Variants in RASGRP3 observed in about 807,000 individuals in gnomAD.
RASGRP3 encodes the protein ras guanyl-releasing protein 3.
In RASGRP3, 54 loss-of-function variants were observed where a neutral mutation model predicts 82.7. That is an observed-to-expected ratio of 0.65 (90% CI 0.52 to 0.82). The LOEUF is 0.82. Ranked by LOEUF, RASGRP3 falls within the 40% of genes least tolerant of loss-of-function variation. The probability of loss-of-function intolerance (pLI) is 0.00; values close to 1 mark genes in which losing one functional copy is unlikely to be tolerated. For missense variants in RASGRP3, 861 were observed against 828.9 expected (o/e 1.04, Z -0.48); for synonymous variants, 309 against 300.5 (o/e 1.03, Z -0.29).
At chr2:33,444,900 A>G (rs1344371471) in intron 1 of RASGRP3, among the ~76,000 whole-genome samples, 1 of 152,226 alleles carries the variant, frequency 6.6e-6, no homozygotes, top group African/African-American at 2.4e-5. Context: ...AATAGATTCA[A>G]TTACACAGCC....
chr2:33,549,949 A>G (rs965910138), intron 14 of RASGRP3, among the ~76,000 whole-genome samples, 198 bp downstream of exon 14: 3 of 152,230 alleles, frequency 2.0e-5, no homozygotes, highest in East Asian at 3.8e-4. Context: ...TAGCAAAAAC[A>G]GGGAAGGCTG....
At position 33,520,608 on chromosome 2, in the gene RASGRP3, A is replaced by G. The variant is rs1285164743; in HGVS notation, c.292A>G (p.Met98Val). The G allele has an allele frequency of 6.8e-6, 11 of 1,613,884 alleles. No individual in the cohort carries two copies. Among genetic ancestry groups the G allele is most frequent in the Admixed American group, 3.3e-5 (2 of 60,004 alleles). ...TAATTTGGATCTTGGTTTGATTCGT[A>G]TGACTGAGGAATTTCGGGAAGTAGC... ...EFNLDLGLIRMTEEFREVASQ... is the reference protein window; with the variant it reads ...EFNLDLGLIRVTEEFREVASQ... Residue 98 changes from methionine (M) to valine (V), a missense_variant, in exon 6 of 18, where the codon ATG becomes GTG. Physicochemically the swap from Met to Val is conservative, Grantham distance 21. Coordinates refer to ENST00000403687, the MANE Select transcript of RASGRP3 (RefSeq NM_001139488.2).
chr2:33,538,941 A>T (rs969189209), intron 11 of RASGRP3, among the ~76,000 whole-genome samples, 153 bp from the exon 12 acceptor site: 5 of 152,170 alleles, frequency 3.3e-5, no homozygotes, highest in African/African-American at 4.8e-5. Flanking sequence ...TGGGAGGCTG[A>T]GGTGGAAGGA....
intron 1 of RASGRP3, among the ~76,000 whole-genome samples, chr2:33,505,299 AT>A (rs747642159): frequency 0.047 from 6,763 of 142,406 alleles, 409 homozygotes; most frequent in African/African-American, 0.15. Context: ...CGCAGACAGG[AT>A]TTTTTTTTTT....
At position 33,564,197 on chromosome 2, in the gene RASGRP3, C is replaced by CTT. The variant is rs1205674280; in HGVS notation, c.*1461_*1462dup. 2 of 152,204 alleles carry CTT rather than the reference C, an allele frequency of 1.3e-5. No homozygotes were observed. The highest frequency in any genetic ancestry group is 2.9e-5 in the Non-Finnish European group (2 of 68,040). 9.4% of individuals were successfully genotyped at this position (152,204 alleles called of 1,614,324 possible). On this transcript the variant is annotated 3_prime_UTR_variant, in exon 18 of 18. Transcript: ENST00000403687. ...TGCACAAAGTTAAGAAAAACTTGGT[C>CTT]TTAGCCCTTGGGAGCTGACAGCCCA...
At chr2:33,514,624 G>A (rs975902433) in intron 2 of RASGRP3, among the ~76,000 whole-genome samples, 3 of 151,822 alleles carry the variant, frequency 2.0e-5, no homozygotes, top group Admixed American at 1.3e-4. Flanking sequence ...GGTCGAGGCT[G>A]CTGTGAGCCG....
At chr2:33,470,471 A>C (rs751284584) in intron 2 of RASGRP3, among the ~76,000 whole-genome samples, 4 of 151,048 alleles carry the variant, frequency 2.6e-5, no homozygotes, top group Non-Finnish European at 5.9e-5. Context: ...GCTCCGCCTG[A>C]CGGGTTCACG....
At chr2:33,505,299 ATT>A (rs747642159) in intron 1 of RASGRP3, among the ~76,000 whole-genome samples, 5,289 of 142,716 alleles carry the variant, frequency 0.037, 315 homozygotes, top group African/African-American at 0.13. Flanking sequence ...CGCAGACAGG[ATT>A]TTTTTTTTTT....
chr2:33,509,803 A>G (rs953213522), intron 1 of RASGRP3, among the ~76,000 whole-genome samples: 2 of 152,192 alleles, frequency 1.3e-5, no homozygotes, highest in South Asian at 4.1e-4. Context: ...CAGCCACTCT[A>G]GTATTCTGTT....
At chr2:33,472,562 A>C (rs1031939931), upstream of RASGRP3, among the ~76,000 whole-genome samples, 9 of 152,210 alleles carry the variant, frequency 5.9e-5, no homozygotes, top group African/African-American at 1.9e-4. Flanking sequence ...AGGGGCAGAT[A>C]GCGGAAGAGA....
rs1574525601 is a variant in RASGRP3, at chr2:33,564,088, C to CCTTT, written c.*1354_*1357dup. On this transcript the variant is annotated 3_prime_UTR_variant, in exon 18 of 18. Coordinates refer to ENST00000403687, the MANE Select transcript of RASGRP3 (RefSeq NM_001139488.2). ...GTATTTGGGGCAGTCTTCAGTAAAG[C>CCTTT]CTTTCTCCTTTCTTTTCTCCATTGA... 1 of 152,198 alleles carries CCTTT rather than the reference C, an allele frequency of 6.6e-6. No individual in the cohort carries two copies. The highest frequency in any genetic ancestry group is 1.9e-4 in the East Asian group (1 of 5,206). The allele number at this position is 152,198 out of a possible 1,614,324, so 9.4% of individuals were successfully genotyped here. A position where few individuals can be genotyped will look rare whatever the true frequency, so the allele number is the denominator to read the frequency against.
intron 1 of RASGRP3, among the ~76,000 whole-genome samples, chr2:33,494,699 T>A (rs1376391155): frequency 6.6e-6 from 1 of 152,234 alleles, no homozygotes; most frequent in Non-Finnish European, 1.5e-5. Flanking sequence ...ACATTCTAGT[T>A]TCTCTAAATC....
chr2:33,507,993 G>A (rs1490531974), intron 1 of RASGRP3, among the ~76,000 whole-genome samples: 1 of 152,232 alleles, frequency 6.6e-6, no homozygotes, highest in Non-Finnish European at 1.5e-5. Flanking sequence ...GAAAGAAGTG[G>A]TTGGTGGCAG....
At chr2:33,509,521 C>G (rs1670731270) in intron 1 of RASGRP3, among the ~76,000 whole-genome samples, 2 of 152,232 alleles carry the variant, frequency 1.3e-5, no homozygotes, top group Non-Finnish European at 2.9e-5. Flanking sequence ...GCTACTTCCA[C>G]TGACGTTTTA....
rs149189753 is a variant in RASGRP3 at position 33,451,121 on chromosome 2, C to T, written c.-261+3178C>T. 1.3e-3 allele frequency among the ~76,000 whole-genome samples: 196 copies of T among 152,142 alleles called. 1 individual carries two copies. The highest frequency in any genetic ancestry group is 4.5e-3 in the African/African-American group (187 of 41,546). On this transcript the variant is annotated intron_variant, in intron 2 of 18. Transcript: ENST00000402538. ...CCTCGTGATCTGCCCGCCTCAGCCT[C>T]CCAAAGTGCTGGGATTACAGGTGTG...
Position 33,562,837 on chromosome 2 carries a change from A to C in RASGRP3, c.*100A>C. The C allele has an allele frequency of 6.8e-7, 1 of 1,462,124 alleles. No individual in the cohort carries two copies. The highest frequency in any genetic ancestry group is 9.5e-7 in the Non-Finnish European group (1 of 1,050,652). The allele number at this position is 1,462,124 out of a possible 1,614,324, so 90.6% of individuals were successfully genotyped here. Reference sequence around the variant, plus strand: ...CTGACTCTCAGGAAGTTATCTGGAAAGATACCTGGATGTTTACTGCCTTGG... The same window carrying C: ...CTGACTCTCAGGAAGTTATCTGGAACGATACCTGGATGTTTACTGCCTTGG... On this transcript the variant is annotated 3_prime_UTR_variant, in exon 18 of 18. Coordinates refer to ENST00000403687, the MANE Select transcript of RASGRP3 (RefSeq NM_001139488.2).
At chr2:33,556,890 TACACACACACACAC>T (rs58614411) in intron 15 of RASGRP3, among the ~76,000 whole-genome samples, 6 of 130,786 alleles carry the variant, frequency 4.6e-5, no homozygotes, top group African/African-American at 9.6e-5. Context: ...TACCCTAAAA[TACACACACACACAC>T]ACACACACAC....
intron 14 of RASGRP3, among the ~76,000 whole-genome samples, chr2:33,552,673 GACAA>G (rs1675487837): frequency 6.6e-6 from 1 of 152,192 alleles, no homozygotes; most frequent in South Asian, 2.1e-4. Flanking sequence ...GTTTAAGGAA[GACAA>G]ACAGACTTGC....
chr2:33,554,105 T>C (rs188350766), intron 14 of RASGRP3, among the ~76,000 whole-genome samples: 43 of 152,298 alleles, frequency 2.8e-4, no homozygotes, highest in African/African-American at 1.0e-3. Context: ...ATCCTTGAGT[T>C]TTCTACTTGT....
Sources: gnomAD v4.1 joint callset for allele counts (sites outside exome capture counted in the v4.1 genomes callset) on GRCh38, gnomAD v4.1.1 for gene constraint, MANE v1.5 for transcripts, NCBI Gene and HGNC (gene_info 2026-07-23, HGNC 2026-07-21) for gene names.